Variants in GALNT13 observed in about 807,000 individuals in gnomAD.
The protein encoded by GALNT13 is UDP-GalNAc:polypeptide N-acetylgalactosaminyltransferase 13.
Under a neutral mutation model 64.2 loss-of-function variants are expected in GALNT13, and 28 were observed. The observed-to-expected ratio is 0.44, with a 90% CI of 0.32 to 0.60. The LOEUF is 0.60. GALNT13 is among the 20% of genes least tolerant of loss of function. The pLI, the probability that GALNT13 is intolerant of heterozygous loss-of-function variation, is 0.05. For synonymous variants in GALNT13, 214 were observed against 224.6 expected, an observed-to-expected ratio of 0.95 and a Z score of 0.42; for missense variants, 577 against 669.8, an observed-to-expected ratio of 0.86 and a Z score of 1.53.
chr2:153,112,325 G>T, the GALNT13 span, among the ~76,000 whole-genome samples: 2 of 152,106 alleles, frequency 1.3e-5, no homozygotes, highest in Non-Finnish European at 2.9e-5. Context: ...TTCATTAGCT[G>T]TGGATGGAGT....
the GALNT13 span, among the ~76,000 whole-genome samples, chr2:153,330,279 T>C: frequency 6.6e-6 from 1 of 152,206 alleles, no homozygotes; most frequent in African/African-American, 2.4e-5. Context: ...TGGTTCCATA[T>C]GAGTTTTAGA....
the GALNT13 span, among the ~76,000 whole-genome samples, chr2:153,783,884 A>G: frequency 6.6e-6 from 1 of 152,180 alleles, no homozygotes; most frequent in Admixed American, 6.5e-5. Context: ...CTGTGAGTCA[A>G]TTAAACCTCT....
the GALNT13 span, among the ~76,000 whole-genome samples, chr2:153,798,082 CAT>C: frequency 6.6e-6 from 1 of 152,132 alleles, no homozygotes; most frequent in African/African-American, 2.4e-5. Flanking sequence ...TATTTGTGTG[CAT>C]GCTGAAATTT....
intron 9 of GALNT13, among the ~76,000 whole-genome samples, chr2:154,367,029 G>T (rs1211791914): frequency 6.6e-6 from 1 of 151,992 alleles, no homozygotes; most frequent in Non-Finnish European, 1.5e-5. Flanking sequence ...TTTCATTGTT[G>T]CTACTTTTTA....
At chr2:153,216,494 T>C in the GALNT13 span, among the ~76,000 whole-genome samples, 1 of 152,048 alleles carries the variant, frequency 6.6e-6, no homozygotes, top group Admixed American at 6.6e-5. Context: ...GTAAACATTT[T>C]TTTAACCATT....
the GALNT13 span, among the ~76,000 whole-genome samples, chr2:153,729,069 G>C: frequency 6.6e-6 from 1 of 152,112 alleles, no homozygotes; most frequent in African/African-American, 2.4e-5. Flanking sequence ...ACAAAGAAGA[G>C]CTGGTACCAT....
the GALNT13 span, among the ~76,000 whole-genome samples, chr2:153,331,796 T>G: frequency 6.6e-6 from 1 of 152,164 alleles, no homozygotes; most frequent in Non-Finnish European, 1.5e-5. Flanking sequence ...TCTAATCAAA[T>G]TGACACTCAG....
chr2:153,256,005 T>A, the GALNT13 span, among the ~76,000 whole-genome samples: 124 of 152,186 alleles, frequency 8.1e-4, no homozygotes, highest in African/African-American at 2.7e-3. Context: ...TGAATCTGAA[T>A]GTTGGCCTGC....
chr2:153,396,952 CAT>C, the GALNT13 span, among the ~76,000 whole-genome samples: 1 of 152,108 alleles, frequency 6.6e-6, no homozygotes. Flanking sequence ...CCAACAAGGA[CAT>C]GTGTGGGGTC....
the GALNT13 span, among the ~76,000 whole-genome samples, chr2:153,753,903 G>C: frequency 6.6e-6 from 1 of 152,206 alleles, no homozygotes. Context: ...TTTTACTGCA[G>C]CTGAGCTTGT....
chr2:153,606,631 A>C, the GALNT13 span, among the ~76,000 whole-genome samples: 5 of 152,128 alleles, frequency 3.3e-5, no homozygotes, highest in African/African-American at 9.7e-5. Flanking sequence ...TAGGAGACCA[A>C]GAAGACATAA....
intron 4 of GALNT13, among the ~76,000 whole-genome samples, chr2:154,153,907 G>T (rs1422775956): frequency 6.6e-6 from 1 of 152,198 alleles, no homozygotes; most frequent in Non-Finnish European, 1.5e-5. Flanking sequence ...GCCTTGCCCT[G>T]CTTCGGCTCA....
the GALNT13 span, among the ~76,000 whole-genome samples, chr2:153,546,031 C>G: frequency 2.0e-5 from 3 of 152,190 alleles, no homozygotes; most frequent in African/African-American, 4.8e-5. Flanking sequence ...GGAAGATACT[C>G]TCTTCCTCAT....
the GALNT13 span, among the ~76,000 whole-genome samples, chr2:153,439,966 T>G: frequency 6.6e-6 from 1 of 152,118 alleles, no homozygotes; most frequent in Non-Finnish European, 1.5e-5. Flanking sequence ...GGCCTACTTA[T>G]ACTTTTTAAA....
At chr2:154,168,673 T>TAAAAAAAA (rs70983708) in intron 4 of GALNT13, among the ~76,000 whole-genome samples, 5 of 101,106 alleles carry the variant, frequency 4.9e-5, no homozygotes, top group African/African-American at 9.4e-5. Flanking sequence ...TCTCTACTAT[T>TAAAAAAAA]AAAAAAAAAA....
chr2:154,027,682 A>C (rs766485525), intron 3 of GALNT13, among the ~76,000 whole-genome samples: 2 of 152,132 alleles, frequency 1.3e-5, no homozygotes, highest in Non-Finnish European at 2.9e-5. Flanking sequence ...TCATTCCTAG[A>C]GTTAAGAAAA....
At chr2:153,765,458 T>A in the GALNT13 span, among the ~76,000 whole-genome samples, 2 of 152,208 alleles carry the variant, frequency 1.3e-5, no homozygotes, top group Non-Finnish European at 1.5e-5. Context: ...GGCCAATTTC[T>A]CCTATTTGAA....
chr2:153,362,737 T>C, the GALNT13 span, among the ~76,000 whole-genome samples: 3 of 151,992 alleles, frequency 2.0e-5, no homozygotes, highest in African/African-American at 7.2e-5. Context: ...GGTTCGTTCA[T>C]AAAACAAGTT....
intron 9 of GALNT13, among the ~76,000 whole-genome samples, chr2:154,382,258 G>C (rs906091371): frequency 6.6e-6 from 1 of 152,010 alleles, no homozygotes; most frequent in African/African-American, 2.4e-5. Flanking sequence ...AAGAAGAGAG[G>C]CATGTTAGAA....
Sources: allele counts gnomAD v4.1 joint callset (sites outside exome capture counted in the v4.1 genomes callset), GRCh38; gene constraint gnomAD v4.1.1; transcripts MANE v1.5; gene names NCBI Gene and HGNC (gene_info 2026-07-23, HGNC 2026-07-21).